The following RPS6KA5 variants were observed in gnomAD, a reference collection of about 807,000 sequenced individuals.
RPS6KA5 encodes the protein ribosomal protein S6 kinase A5, also known as ribosomal protein S6 kinase alpha-5.
Under a neutral mutation model 85.5 loss-of-function variants are expected in RPS6KA5, and 27 were observed. The ratio of observed to expected loss-of-function variants is 0.32; its 90% confidence interval spans 0.23 to 0.44. The LOEUF (loss-of-function observed/expected upper bound fraction) is 0.44, where lower values mean the gene tolerates loss of function less well. RPS6KA5 is among the 20% of genes least tolerant of loss of function. RPS6KA5 has a pLI of 1.00. For synonymous variants in RPS6KA5, 334 were observed against 348.2 expected (o/e 0.96, Z 0.46); for missense variants, 811 against 980.9 (o/e 0.83, Z 2.31).
chr14:90,915,867 CG>C (rs1384804146), intron 7 of RPS6KA5, among the ~76,000 whole-genome samples: 1 of 150,776 alleles, frequency 6.6e-6, no homozygotes, highest in Non-Finnish European at 1.5e-5. Flanking sequence ...GTGTAAGACA[CG>C]TAAGAAAAGC....
At chr14:91,045,043 T>G (rs117306155) in intron 1 of RPS6KA5, among the ~76,000 whole-genome samples, 3,312 of 152,148 alleles carry the variant, frequency 0.022, 129 homozygotes, top group East Asian at 0.1. Flanking sequence ...AGACAAGAAC[T>G]CAGTCTGGCT....
chr14:90,974,908 G>C (rs1484786217), intron 3 of RPS6KA5, among the ~76,000 whole-genome samples: 1 of 152,094 alleles, frequency 6.6e-6, no homozygotes, highest in African/African-American at 2.4e-5. Flanking sequence ...TGTACAACTG[G>C]GTTTTAAATG....
chr14:90,872,053 A>G lies in RPS6KA5; in HGVS notation c.*21T>C. The G allele has an allele frequency of 6.3e-7, 1 of 1,597,316 alleles. No individual in the cohort carries two copies. Among genetic ancestry groups the G allele is most frequent in the Non-Finnish European group, 8.5e-7 (1 of 1,173,436 alleles). ...TGAGGGAATAAAGGTGCAATGGATCACTGATACACTCCTACCATGCCTAAG... is the reference window on the plus strand; with the variant it reads ...TGAGGGAATAAAGGTGCAATGGATCGCTGATACACTCCTACCATGCCTAAG... On this transcript the variant is annotated 3_prime_UTR_variant, in exon 17 of 17. Transcript: ENST00000614987.
intron 1 of RPS6KA5, among the ~76,000 whole-genome samples, chr14:91,024,486 CA>C (rs2041913977): frequency 1.3e-5 from 2 of 152,060 alleles, no homozygotes; most frequent in African/African-American, 4.8e-5. Flanking sequence ...TATTTCTAGG[CA>C]TTTATTACAC....
chr14:91,020,969 C>T (rs1457022476), intron 1 of RPS6KA5, among the ~76,000 whole-genome samples: 1 of 151,842 alleles, frequency 6.6e-6, no homozygotes, highest in African/African-American at 2.4e-5. Flanking sequence ...GTATCCAAAC[C>T]CGAAGCATAC....
At chr14:91,054,823 T>C (rs1050471246) in intron 1 of RPS6KA5, among the ~76,000 whole-genome samples, 1 of 151,938 alleles carries the variant, frequency 6.6e-6, no homozygotes, top group African/African-American at 2.4e-5. Flanking sequence ...AATTAAAGAC[T>C]TTTGTGCTCC....
intron 8 of RPS6KA5, 64 bp from the exon 9 acceptor site, chr14:90,903,033 C>T (rs2035268545): frequency 7.1e-7 from 1 of 1,408,626 alleles, no homozygotes; most frequent in African/African-American, 1.4e-5. Flanking sequence ...CTAAGAATAA[C>T]AAAGATAAAT....
chr14:90,961,847 A>G (rs904851808), intron 3 of RPS6KA5, among the ~76,000 whole-genome samples: 1 of 152,124 alleles, frequency 6.6e-6, no homozygotes, highest in Admixed American at 6.5e-5. Context: ...GAATATCTAC[A>G]ACCTTGCAAA....
intron 12 of RPS6KA5, among the ~76,000 whole-genome samples, chr14:90,897,713 T>G (rs1051275211): frequency 1.3e-5 from 2 of 152,172 alleles, no homozygotes; most frequent in African/African-American, 4.8e-5. Context: ...AATAAAAAAT[T>G]AGAAATGTTG....
At chr14:90,928,962 C>A (rs769082305) in intron 5 of RPS6KA5, among the ~76,000 whole-genome samples, 6 of 151,752 alleles carry the variant, frequency 4.0e-5, no homozygotes, top group Non-Finnish European at 7.4e-5. Flanking sequence ...CAAATAAAAT[C>A]CAGCAATGTA....
intron 12 of RPS6KA5, among the ~76,000 whole-genome samples, chr14:90,896,649 C>G (rs1322668621): frequency 6.6e-6 from 1 of 152,120 alleles, no homozygotes; most frequent in Non-Finnish European, 1.5e-5. Flanking sequence ...TGTCTAGAAG[C>G]TACAAAAGGA....
At position 90,858,197 on chromosome 14, in the gene RPS6KA5, G is replaced by A. The variant is rs533060973; in HGVS notation, c.*13877C>T. 22 of 151,912 alleles carry A rather than the reference G, an allele frequency of 1.4e-4. No individual in the cohort carries two copies. Among genetic ancestry groups the A allele is most frequent in the Non-Finnish European group, 3.2e-4 (22 of 67,994 alleles). The allele number at this position is 151,912 out of a possible 1,614,324, so 9.4% of individuals were successfully genotyped here. ...AATTTTACGTAAACACATTCTTTGA[G>A]GCTAAAGCAAATCTGACTGATTTTC... On this transcript the variant is annotated 3_prime_UTR_variant, in exon 17 of 17. Transcript: ENST00000614987.
In RPS6KA5 at chr14:90,892,645, T is replaced by G. The variant is rs149128974; in HGVS notation, c.1644+1768A>C. On this transcript the variant is annotated intron_variant, in intron 13 of 16. Coordinates refer to ENST00000614987, the MANE Select transcript of RPS6KA5 (RefSeq NM_004755.4). ...GAATGTCAGCCAGCTTCTAAATTTA[T>G]CTGACTCTTACCTAGACTTAGGATT... Among the ~76,000 whole-genome samples, 194 of 152,342 alleles carry G rather than the reference T, an allele frequency of 1.3e-3. 3 individuals are homozygous for G. The highest frequency in any genetic ancestry group is 4.4e-3 in the African/African-American group (185 of 41,582).
At chr14:91,034,789 C>T (rs1478481900) in intron 1 of RPS6KA5, among the ~76,000 whole-genome samples, 1 of 152,144 alleles carries the variant, frequency 6.6e-6, no homozygotes, top group Non-Finnish European at 1.5e-5. Context: ...AGGTGCATGG[C>T]TTCATTCTTG....
chr14:91,006,864 C>T (rs199987761), intron 1 of RPS6KA5, among the ~76,000 whole-genome samples: 3 of 152,160 alleles, frequency 2.0e-5, no homozygotes, highest in East Asian at 1.9e-4. Context: ...CCACCGCACC[C>T]GGCCCATTCT....
At chr14:91,052,962 T>C (rs2043158374) in intron 1 of RPS6KA5, among the ~76,000 whole-genome samples, 2 of 150,856 alleles carry the variant, frequency 1.3e-5, no homozygotes, top group Non-Finnish European at 3.0e-5. Flanking sequence ...TAGATACAAA[T>C]CCTTAATAAA....
intron 2 of RPS6KA5, among the ~76,000 whole-genome samples, chr14:90,987,105 T>C (rs767603744): frequency 6.6e-6 from 1 of 152,194 alleles, no homozygotes; most frequent in Non-Finnish European, 1.5e-5. Flanking sequence ...ACATTTAACC[T>C]CTAAGACTTA....
At chr14:90,954,706 A>C (rs1351473252) in intron 3 of RPS6KA5, among the ~76,000 whole-genome samples, 1 of 152,146 alleles carries the variant, frequency 6.6e-6, no homozygotes, top group African/African-American at 2.4e-5. Context: ...GAGCCACCGT[A>C]CTAGGCCTGT....
In RPS6KA5 at chr14:90,923,166, T is replaced by C. The variant is rs765188423; in HGVS notation, c.649A>G (p.Ile217Val). 1 of 1,613,134 alleles carries C rather than the reference T, an allele frequency of 6.2e-7. No homozygotes were observed. The highest frequency in any genetic ancestry group is 1.3e-5 in the African/African-American group (1 of 75,014). The change falls in exon 6 of 17, where the codon ATT becomes GTT. Residue 217 changes from isoleucine (I) to valine (V), a missense_variant. Physicochemically the swap from Ile to Val is conservative, Grantham distance 29. Transcript: ENST00000614987. The stretch of plus-strand genomic sequence containing the variant: ...ACAATATCTGGTGCCATGTATTCAA[T>C]AGTTCCACAAAAGGAATATGCTCTT... ...TERAYSFCGT[I>V]EYMAPDIVRG...
Sources: allele counts gnomAD v4.1 joint callset (sites outside exome capture counted in the v4.1 genomes callset), GRCh38; gene constraint gnomAD v4.1.1; transcripts MANE v1.5; gene names NCBI Gene and HGNC (gene_info 2026-07-23, HGNC 2026-07-21).